Variants in GABRR3 observed in about 807,000 individuals in gnomAD.
GABRR3 encodes the protein gamma-aminobutyric acid receptor subunit rho-3.
Under a neutral mutation model 43.2 loss-of-function variants are expected in GABRR3, and 29 were observed. That is an observed-to-expected ratio of 0.67 (90% CI 0.50 to 0.92). The LOEUF (loss-of-function observed/expected upper bound fraction) is 0.92, where lower values mean the gene tolerates loss of function less well. Among genes scored for constraint, GABRR3 ranks in the 40% least tolerant of loss-of-function variants. The probability of loss-of-function intolerance (pLI) is 0.00; values close to 1 mark genes in which losing one functional copy is unlikely to be tolerated. For missense variants in GABRR3, 576 were observed against 572.3 expected (o/e 1.01, Z -0.07); for synonymous variants, 206 against 195.9 (o/e 1.05, Z -0.43).
chr3:98,008,032 T>A, intron 6 of GABRR3, 128 bp from the exon 7 acceptor site: 1 of 728,070 alleles, frequency 1.4e-6, no homozygotes, highest in Non-Finnish European at 2.1e-6. Context: ...TATTAGGTGA[T>A]AAAAATATGT....
At chr3:98,014,021 G>A (rs1173840249) in intron 4 of GABRR3, among the ~76,000 whole-genome samples, 1 of 152,118 alleles carries the variant, frequency 6.6e-6, no homozygotes, top group African/African-American at 2.4e-5. Flanking sequence ...GTGAAGTTAG[G>A]GCGGATGAGA....
intron 3 of GABRR3, among the ~76,000 whole-genome samples, chr3:98,019,828 T>A (rs141810784): frequency 6.8e-4 from 104 of 152,264 alleles, no homozygotes; most frequent in African/African-American, 2.4e-3. Flanking sequence ...CCTCCTAAAG[T>A]GCTGGGATTA....
At chr3:98,023,732 A>G (rs1706979606) in intron 3 of GABRR3, among the ~76,000 whole-genome samples, 1 of 152,236 alleles carries the variant, frequency 6.6e-6, no homozygotes, top group Non-Finnish European at 1.5e-5. Context: ...GGCTTCTGAA[A>G]TCTTAAATTA....
chr3:98,017,826 G>T lies in GABRR3; in HGVS notation c.239-104C>A, dbSNP rs1459451492. ...TCTCTTGGACAGCAACTGAATTACT[G>T]TTAAAGTTTTTTTAAACAACAAATT... is the stretch of plus-strand genomic sequence containing the variant. On this transcript the variant is annotated intron_variant, in intron 3 of 9. Transcript: ENST00000621172. 6.6e-6 allele frequency: 5 copies of T among 756,578 alleles called. No individual in the cohort carries two copies. In the African/African-American group the frequency reaches 9.0e-5, roughly 14 times the overall value. 46.9% of individuals were successfully genotyped at this position (756,578 alleles called of 1,614,324 possible). A position where few individuals can be genotyped will look rare whatever the true frequency, so the allele number is the denominator to read the frequency against.
intron 5 of GABRR3, among the ~76,000 whole-genome samples, chr3:98,010,897 C>T (rs1038571082): frequency 5.6e-4 from 85 of 152,212 alleles, no homozygotes; most frequent in African/African-American, 1.9e-3. Flanking sequence ...GTCAGGAGTT[C>T]GAGACCAGCC....
At chr3:98,026,997 G>GT (rs1337495343) in intron 2 of GABRR3, among the ~76,000 whole-genome samples, 1 of 152,130 alleles carries the variant, frequency 6.6e-6, no homozygotes, top group Non-Finnish European at 1.5e-5. Flanking sequence ...AAAGAAATCT[G>GT]TTTTTGGTAG....
chr3:97,988,172 T>A lies in GABRR3; in HGVS notation c.1105-1190A>T, dbSNP rs138341618. ...CTTGGGACCCGAAGAGTAATATGTC[T>A]GTGAAGGTACCATCACTGTCGGGCA... is the stretch of plus-strand genomic sequence containing the variant. On this transcript the variant is annotated intron_variant, in intron 9 of 9. Transcript: ENST00000621172. Among the ~76,000 whole-genome samples, 69 of 152,092 alleles carry A rather than the reference T, an allele frequency of 4.5e-4. No homozygotes were observed. The East Asian group carries it at 0.013, about 28-fold the overall frequency.
intron 4 of GABRR3, among the ~76,000 whole-genome samples, chr3:98,013,340 A>G (rs1242854359): frequency 1.3e-5 from 2 of 152,198 alleles, no homozygotes; most frequent in Non-Finnish European, 2.9e-5. Context: ...ATATTAGAAA[A>G]AACAGTTTAT....
chr3:98,020,475 A>C (rs1706927298), intron 3 of GABRR3, among the ~76,000 whole-genome samples: 1 of 142,492 alleles, frequency 7.0e-6, no homozygotes, highest in African/African-American at 2.5e-5. Flanking sequence ...AAAAAAAAAA[A>C]GGAAAAGAAA....
intron 2 of GABRR3, among the ~76,000 whole-genome samples, chr3:98,032,577 C>T (rs897269269): frequency 1.3e-5 from 2 of 152,128 alleles, no homozygotes; most frequent in Non-Finnish European, 2.9e-5. Context: ...GAACATTTTC[C>T]ACCTGCCATA....
intron 9 of GABRR3, among the ~76,000 whole-genome samples, chr3:97,988,512 T>C (rs546818309): frequency 7.9e-5 from 12 of 152,226 alleles, no homozygotes; most frequent in African/African-American, 2.4e-4. Flanking sequence ...ATGAACATGA[T>C]GGTACTGGGT....
chr3:97,987,158 A>G (rs1415926634), intron 9 of GABRR3, 176 bp from the exon 10 acceptor site: 2 of 162,172 alleles, frequency 1.2e-5, no homozygotes, highest in Non-Finnish European at 2.6e-5. Flanking sequence ...TCCTCCGTAT[A>G]TATGTATTTT....
At chr3:97,992,596 T>C (rs527839102) in intron 9 of GABRR3, among the ~76,000 whole-genome samples, 144 of 152,084 alleles carry the variant, frequency 9.5e-4, no homozygotes, top group African/African-American at 3.3e-3. Flanking sequence ...AAGGGTACAG[T>C]TGGGGGAAAG....
At chr3:98,008,357 A>C (rs959867697) in intron 6 of GABRR3, among the ~76,000 whole-genome samples, 5 of 152,228 alleles carry the variant, frequency 3.3e-5, no homozygotes, top group Admixed American at 1.3e-4. Flanking sequence ...GTGGTATGGA[A>C]AATTTCTAAT....
intron 3 of GABRR3, among the ~76,000 whole-genome samples, chr3:98,023,654 T>G (rs1156284106): frequency 7.1e-6 from 1 of 140,500 alleles, no homozygotes; most frequent in Non-Finnish European, 1.5e-5. Context: ...TGAAGAAAAG[T>G]AAAAAAAGAT....
chr3:98,003,954 T>C (rs1276889523), intron 7 of GABRR3, among the ~76,000 whole-genome samples: 5 of 152,162 alleles, frequency 3.3e-5, no homozygotes, highest in Admixed American at 6.5e-5. Flanking sequence ...AGTTTTGGCA[T>C]CTGAACTAAA....
chr3:98,005,210 AACACAC>A (rs60490447), intron 7 of GABRR3, among the ~76,000 whole-genome samples: 79 of 148,014 alleles, frequency 5.3e-4, no homozygotes, highest in African/African-American at 1.1e-3. Context: ...CTAGGCTTTT[AACACAC>A]ACACACACAC....
At chr3:98,035,056 T>G (rs1255351548) in intron 1 of GABRR3, 67 bp from the exon 2 acceptor site, 12 of 1,526,754 alleles carry the variant, frequency 7.9e-6, no homozygotes, top group Non-Finnish European at 9.7e-6. Context: ...CAGTTTCTTC[T>G]TCATGTGTCT....
chr3:97,992,188 T>C (rs988661043), intron 9 of GABRR3, among the ~76,000 whole-genome samples: 19 of 152,262 alleles, frequency 1.2e-4, no homozygotes, highest in Admixed American at 6.5e-4. Flanking sequence ...ACCTCATTCC[T>C]AGGATACTGT....
Sources: gnomAD v4.1 joint callset for allele counts (sites outside exome capture counted in the v4.1 genomes callset) on GRCh38, gnomAD v4.1.1 for gene constraint, MANE v1.5 for transcripts, NCBI Gene and HGNC (gene_info 2026-07-23, HGNC 2026-07-21) for gene names.